Variants in COL4A4 observed in about 807,000 individuals in gnomAD.
COL4A4 encodes collagen alpha-4(IV) chain.
A neutral mutation model predicts 192.9 loss-of-function variants in COL4A4; 105 were observed. The ratio of observed to expected loss-of-function variants is 0.54; its 90% CI spans 0.46 to 0.64. The LOEUF is 0.64. COL4A4 is among the 30% of genes least tolerant of loss of function. The probability of loss-of-function intolerance (pLI) is 0.00; values close to 1 mark genes in which losing one functional copy is unlikely to be tolerated. For missense variants in COL4A4, 1,967 were observed against 2,169.3 expected, an observed-to-expected ratio of 0.91 and a Z score of 1.85; for synonymous variants, 762 against 769.9, an observed-to-expected ratio of 0.99 and a Z score of 0.17.
intron 1 of COL4A4, among the ~76,000 whole-genome samples, chr2:227,160,542 G>A (rs1460062275): frequency 6.6e-6 from 1 of 152,082 alleles, no homozygotes; most frequent in East Asian, 1.9e-4. Context: ...AATAAACAGA[G>A]GACCCCCACC....
At chr2:227,055,348 T>TAAA (rs111421254) in intron 30 of COL4A4, among the ~76,000 whole-genome samples, 6 of 139,676 alleles carry the variant, frequency 4.3e-5, no homozygotes, top group African/African-American at 1.4e-4. Flanking sequence ...TCCTGTCTCC[T>TAAA]AAAAAAAAAA....
chr2:227,051,252 G>T, intron 32 of COL4A4, 94 bp from the exon 33 acceptor site: 2 of 1,294,548 alleles, frequency 1.5e-6, no homozygotes, highest in Non-Finnish European at 1.1e-6. Context: ...AGGAGATAAA[G>T]CCAAAGGTAT....
At chr2:227,119,266 G>A (rs2061650093) in intron 6 of COL4A4, among the ~76,000 whole-genome samples, 1 of 151,732 alleles carries the variant, frequency 6.6e-6, no homozygotes, top group South Asian at 2.1e-4. Flanking sequence ...AAAGTGTTTT[G>A]CTCTGGGAGT....
intron 4 of COL4A4, 118 bp downstream of exon 4, chr2:227,140,039 TGAAA>T: frequency 1.2e-6 from 1 of 810,602 alleles, no homozygotes; most frequent in Non-Finnish European, 2.1e-6. Context: ...ACTTCGGCTG[TGAAA>T]TACATAAACA....
intron 30 of COL4A4, 109 bp downstream of exon 30, chr2:227,055,836 G>C: frequency 1.0e-6 from 1 of 1,001,914 alleles, no homozygotes; most frequent in South Asian, 1.5e-5. Context: ...GAAGGACAAA[G>C]CCAGACTAAC....
chr2:227,098,877 G>A, intron 18 of COL4A4, 79 bp from the exon 19 acceptor site: 2 of 1,181,404 alleles, frequency 1.7e-6, no homozygotes, highest in Non-Finnish European at 2.5e-6. Flanking sequence ...CTTTTTGTGA[G>A]ACTCAGTAAA....
intron 4 of COL4A4, among the ~76,000 whole-genome samples, chr2:227,125,474 G>T (rs2062032020): frequency 3.3e-5 from 5 of 151,944 alleles, no homozygotes; most frequent in Admixed American, 2.6e-4. Context: ...CTCCCAAAGT[G>T]CTGGGATTAC....
chr2:227,115,528 T>A (rs2124943823), intron 7 of COL4A4, among the ~76,000 whole-genome samples: 1 of 152,224 alleles, frequency 6.6e-6, no homozygotes, highest in South Asian at 2.1e-4. Flanking sequence ...CGCCTCGGCC[T>A]CCCAAAGTGC....
intron 36 of COL4A4, 58 bp from the exon 37 acceptor site, chr2:227,042,313 G>C: frequency 1.0e-6 from 1 of 954,758 alleles, no homozygotes; most frequent in African/African-American, 1.6e-5. Context: ...TACATTCACT[G>C]CAAAAGTCAT....
At chr2:227,148,603 C>A (rs2063707792) in intron 1 of COL4A4, among the ~76,000 whole-genome samples, 1 of 151,890 alleles carries the variant, frequency 6.6e-6, no homozygotes, top group Admixed American at 6.6e-5. Flanking sequence ...AGTTAAAATG[C>A]TGAATTTTAT....
chr2:227,010,500 C>A lies in COL4A4; in HGVS notation c.4335G>T (p.Gly1445=). 6.4e-7 allele frequency: 1 copy of A among 1,558,636 alleles called. No individual in the cohort carries two copies. Among genetic ancestry groups the A allele is most frequent in the Non-Finnish European group, 8.6e-7 (1 of 1,156,752 alleles). Residue 1445 remains glycine (G), a splice_region_variant and synonymous_variant, in exon 46 of 48, where the codon GGG becomes GGT. Coordinates refer to ENST00000396625, the MANE Select transcript of COL4A4 (RefSeq NM_000092.5). The stretch of plus-strand genomic sequence containing the variant: ...CAGGATCCCCAATGGGACCAGGAGG[C>A]CCTGGAGGAACAAAGGAAAAAAATT... ...TGEDGYPGGP[G]PPGPIGDPGP...
At chr2:227,089,986 G>A in intron 20 of COL4A4, 29 bp from the exon 21 acceptor site, 2 of 1,562,528 alleles carry the variant, frequency 1.3e-6, no homozygotes, top group South Asian at 1.1e-5. Context: ...GGTGGGCAGA[G>A]AGAATCACAT....
chr2:227,043,509 T>A (rs531450258), intron 35 of COL4A4, among the ~76,000 whole-genome samples: 1 of 152,316 alleles, frequency 6.6e-6, no homozygotes, highest in South Asian at 2.1e-4. Flanking sequence ...GAATGGCCAG[T>A]AGCTTTTTGA....
chr2:226,989,235 C>G, the COL4A4 span, among the ~76,000 whole-genome samples: 3 of 152,166 alleles, frequency 2.0e-5, no homozygotes, highest in African/African-American at 7.2e-5. Context: ...GGATAGAAAC[C>G]ACTTATAACA....
intron 42 of COL4A4, among the ~76,000 whole-genome samples, chr2:227,027,502 G>A (rs1174648141): frequency 8.2e-6 from 1 of 121,994 alleles, no homozygotes; most frequent in Non-Finnish European, 1.6e-5. Flanking sequence ...GGGGAGGGGG[G>A]AGGGATAGCA....
At chr2:227,141,744 CTT>C (rs1164898284) in intron 3 of COL4A4, among the ~76,000 whole-genome samples, 2 of 151,934 alleles carry the variant, frequency 1.3e-5, no homozygotes, top group East Asian at 3.9e-4. Flanking sequence ...ATATATGCCT[CTT>C]GAGTTTTGAG....
At chr2:227,142,419 T>A (rs1206761055) in intron 3 of COL4A4, among the ~76,000 whole-genome samples, 3 of 152,222 alleles carry the variant, frequency 2.0e-5, no homozygotes, top group Non-Finnish European at 4.4e-5. Flanking sequence ...AGTCACTATC[T>A]GCCTTATCTC....
chr2:227,154,715 AT>A (rs2064202830), intron 1 of COL4A4, among the ~76,000 whole-genome samples: 1 of 152,186 alleles, frequency 6.6e-6, no homozygotes, highest in African/African-American at 2.4e-5. Context: ...GAATTCTCGA[AT>A]ATTCAGCTTT....
chr2:226,969,727 C>T, the COL4A4 span, among the ~76,000 whole-genome samples: 1 of 152,202 alleles, frequency 6.6e-6, no homozygotes, highest in Admixed American at 6.5e-5. Context: ...GTTCCTGAGT[C>T]ACTTATGCCT....
Sources: gnomAD v4.1 joint callset for allele counts (sites outside exome capture counted in the v4.1 genomes callset) on GRCh38, gnomAD v4.1.1 for gene constraint, MANE v1.5 for transcripts, NCBI Gene and HGNC (gene_info 2026-07-23, HGNC 2026-07-21) for gene names.